Variants in HPX observed in about 807,000 individuals in gnomAD.
HPX encodes the protein hemopexin, also known as beta-1B-glycoprotein.
In HPX, 42 loss-of-function variants were observed where a neutral mutation model predicts 53.8. The ratio of observed to expected loss-of-function variants is 0.78; its 90% CI spans 0.61 to 1.01. The LOEUF (loss-of-function observed/expected upper bound fraction) is 1.01. Ranked by LOEUF, HPX falls within the 50% of genes least tolerant of loss-of-function variation. The pLI is 0.00. For synonymous variants in HPX, 229 were observed against 221.1 expected (o/e 1.04, Z -0.32); for missense variants, 547 against 594.3 (o/e 0.92, Z 0.83).
rs550111031 is a variant in HPX at position 6,438,576 on chromosome 11, A to G, written c.337-67T>C. On this transcript the variant is annotated intron_variant, in intron 4 of 9. Transcript: ENST00000265983. ...ATACTGCCACTCTGCATTTACACAC[A>G]TTTTTTATCTACTGTGCTTATACGA... The G allele has an allele frequency of 3.8e-5, 53 of 1,405,044 alleles. No homozygotes were observed. The East Asian group carries it at 1.1e-3, about 30-fold the overall frequency. 87.0% of individuals were successfully genotyped at this position (1,405,044 alleles called of 1,614,324 possible).
intron 7 of HPX, among the ~76,000 whole-genome samples, chr11:6,435,120 C>T (rs1014457506): frequency 6.6e-6 from 1 of 151,778 alleles, no homozygotes; most frequent in African/African-American, 2.4e-5. Flanking sequence ...AAAAAAAATA[C>T]AAAAATTAGC....
chr11:6,434,393 A>G (rs891166112), intron 7 of HPX, among the ~76,000 whole-genome samples: 1 of 152,178 alleles, frequency 6.6e-6, no homozygotes, highest in Non-Finnish European at 1.5e-5. Context: ...GCAGAGGCAC[A>G]GTCACGGTTC....
intron 5 of HPX, 200 bp from the exon 6 acceptor site, chr11:6,437,852 G>A: frequency 1.7e-6 from 1 of 597,028 alleles, no homozygotes; most frequent in Non-Finnish European, 3.0e-6. Flanking sequence ...AGGCAGTGGG[G>A]AGAGTCTGGG....
intron 7 of HPX, among the ~76,000 whole-genome samples, chr11:6,434,341 G>A (rs7119379): frequency 0.28 from 43,220 of 151,934 alleles, 7,100 homozygotes; most frequent in African/African-American, 0.45. Flanking sequence ...TTATTTATTT[G>A]TTTTTTGAGA....
At position 6,437,069 on chromosome 11, in the gene HPX, T is replaced by C. The variant is rs146231448; in HGVS notation, c.812A>G (p.His271Arg). Residue 271 changes from histidine (H) to arginine (R), a missense_variant, in exon 7 of 10, where the codon CAT (histidine) becomes CGT (arginine). Physicochemically the swap from His to Arg is conservative, Grantham distance 29. Transcript: ENST00000265983. ...LVLSALTSDN[H>R]GATYAFSGTH... ...ACCACTGAAGGCATAGGTGGCACCA[T>C]GGTTGTCAGACGTCAGTGCAGACAA... The C allele has an allele frequency of 1.9e-5, 31 of 1,613,976 alleles. No homozygotes were observed. In the Admixed American group the frequency reaches 4.8e-4, roughly 25 times the overall value.
chr11:6,437,352 T>G, intron 6 of HPX, 88 bp downstream of exon 6: 1 of 1,408,096 alleles, frequency 7.1e-7, no homozygotes, highest in Non-Finnish European at 1.0e-6. Flanking sequence ...CAACACGGAG[T>G]TAAAGTGAGA....
Position 6,431,478 on chromosome 11 carries a change from GA to G in HPX, c.1130-9del. ...GCCACCACAGCCGCCGTCCTGGGGA[GA>G]AGGCACCAAACATAGCATGGCTTCC... is the stretch of plus-strand genomic sequence containing the variant. On this transcript the variant is annotated splice_polypyrimidine_tract_variant and intron_variant, in intron 9 of 9. Coordinates refer to ENST00000265983, the MANE Select transcript of HPX (RefSeq NM_000613.3). 6.8e-6 allele frequency: 11 copies of G among 1,614,098 alleles called. No homozygotes were observed. Among genetic ancestry groups the G allele is most frequent in the Non-Finnish European group, 9.3e-6 (11 of 1,179,980 alleles).
rs1176468921 is a variant in HPX at position 6,437,608 on chromosome 11, C to T, written c.535G>A (p.Glu179Lys). ...FWDLATGTMK[E>K]RSWPAVGNCS... Reference sequence around the variant, plus strand: ...TTCCCAACAGCTGGCCAGGAACGCTCCTTCATGGTTCCCGTAGCCAAGTCC... The same window carrying T: ...TTCCCAACAGCTGGCCAGGAACGCTTCTTCATGGTTCCCGTAGCCAAGTCC... The change falls in exon 6 of 10, where the codon GAG becomes AAG. Residue 179 changes from glutamate to lysine, a missense_variant. Coordinates refer to ENST00000265983, the MANE Select transcript of HPX (RefSeq NM_000613.3). 1 of 1,614,200 alleles carries T rather than the reference C, an allele frequency of 6.2e-7. No homozygotes were observed. Among genetic ancestry groups the T allele is most frequent in the Non-Finnish European group, 8.5e-7 (1 of 1,180,030 alleles).
rs372999994 is a variant in HPX at position 6,437,394 on chromosome 11, A to T, written c.703+46T>A. On this transcript the variant is annotated intron_variant, in intron 6 of 9. Coordinates refer to ENST00000265983, the MANE Select transcript of HPX (RefSeq NM_000613.3). The stretch of plus-strand genomic sequence containing the variant: ...ACACGTGAGATCCACAAGCTCAGGG[A>T]AAGTGGATGAATTCTGACAGGTCTC... The T allele has an allele frequency of 1.5e-4, 234 of 1,538,980 alleles. No individual in the cohort carries two copies. The African/African-American group carries it at 2.3e-3, about 15-fold the overall frequency.
chr11:6,431,673 C>A lies in HPX; in HGVS notation c.1097G>T (p.Cys366Phe), dbSNP rs753940599. 1.2e-5 allele frequency: 19 copies of A among 1,614,072 alleles called. No individual in the cohort carries two copies. Among genetic ancestry groups the A allele is most frequent in the Non-Finnish European group, 1.4e-5 (17 of 1,180,036 alleles). Residue 366 changes from cysteine to phenylalanine, a missense_variant, in exon 9 of 10, where the codon TGC becomes TTC. By Grantham distance (205) the Cys-to-Phe change is radical (BLOSUM62 -2). Coordinates refer to ENST00000265983, the MANE Select transcript of HPX (RefSeq NM_000613.3). Reference sequence around the variant, plus strand: ...GATATGGAGCCGAGAAGACCCAGGGCAGATAAAGGCCGCATCCACAGAGTC... The same window carrying A: ...GATATGGAGCCGAGAAGACCCAGGGAAGATAAAGGCCGCATCCACAGAGTC... ...ILDSVDAAFI[C>F]PGSSRLHIMA...
Position 6,437,533 on chromosome 11 carries a change from T to C in HPX, c.610A>G (p.Asn204Asp), listed in dbSNP as rs758528378. The change falls in exon 6 of 10, where the codon AAC becomes GAC. Residue 204 changes from asparagine to aspartate, a missense_variant. Transcript: ENST00000265983. ...WLGRYYCFQG[N>D]QFLRFDPVRG... ...ACAGGGTCGAAGCGCAGGAATTGGT[T>C]ACCCTGGAAGCAGTAGTAGCGGCCC... 1.9e-6 allele frequency: 3 copies of C among 1,614,078 alleles called. No individual in the cohort carries two copies. In the African/African-American group the frequency reaches 4.0e-5, roughly 22 times the overall value.
At chr11:6,432,623 C>A (rs557479749) in intron 7 of HPX, among the ~76,000 whole-genome samples, 2 of 152,142 alleles carry the variant, frequency 1.3e-5, no homozygotes, top group Admixed American at 6.5e-5. Context: ...CTCCAATTTG[C>A]GAAATCTCAT....
intron 7 of HPX, among the ~76,000 whole-genome samples, chr11:6,434,775 T>C (rs368240942): frequency 1.3e-5 from 2 of 152,278 alleles, no homozygotes; most frequent in East Asian, 3.9e-4. Context: ...GACTGGGCCA[T>C]TCAGATTCCC....
chr11:6,437,871 C>T, intron 5 of HPX: 1 of 589,664 alleles, frequency 1.7e-6, no homozygotes, highest in East Asian at 2.8e-5. Context: ...GGAAAACTTC[C>T]CAGGGAAGAT....
At position 6,431,651 on chromosome 11, in the gene HPX, A is replaced by G; in HGVS notation, c.1119T>C (p.His373=). 1 of 1,613,756 alleles carries G rather than the reference A, an allele frequency of 6.2e-7. No homozygotes were observed. The highest frequency in any genetic ancestry group is 8.5e-7 in the Non-Finnish European group (1 of 1,180,016). Reference sequence around the variant, plus strand: ...CCAGAAGCCCCTCACCTGCCATGATATGGAGCCGAGAAGACCCAGGGCAGA... The same window carrying G: ...CCAGAAGCCCCTCACCTGCCATGATGTGGAGCCGAGAAGACCCAGGGCAGA... ...AFICPGSSRL[H]IMAGRRLWWL... The change falls in exon 9 of 10, where the codon CAT becomes CAC. Residue 373 remains histidine, a synonymous_variant. Coordinates refer to ENST00000265983, the MANE Select transcript of HPX (RefSeq NM_000613.3).
Position 6,440,541 on chromosome 11 carries a change from G to T in HPX, c.143-3C>A. 2.7e-6 allele frequency: 4 copies of T among 1,462,890 alleles called. No homozygotes were observed. Among genetic ancestry groups the T allele is most frequent in the Non-Finnish European group, 3.8e-6 (4 of 1,061,460 alleles). 90.6% of individuals were successfully genotyped at this position (1,462,890 alleles called of 1,614,324 possible). ...GCTCCAGCCATCTGAGCAGCGTTCT[G>T]GGGTGGAGGTAGGGAGATGGCAAAG... On this transcript the variant is annotated splice_region_variant and splice_polypyrimidine_tract_variant and intron_variant, in intron 2 of 9. Transcript: ENST00000265983.
Position 6,431,336 on chromosome 11 carries a change from C to A in HPX, c.1264G>T (p.Gly422Cys). 1 of 1,614,258 alleles carries A rather than the reference C, an allele frequency of 6.2e-7. No homozygotes were observed. Among genetic ancestry groups the A allele is most frequent in the Non-Finnish European group, 8.5e-7 (1 of 1,180,042 alleles). ...CCATGGATGAGGTACAAGCCGGGAC[C>A]ATTGGCGGAACATGAGTTAGGGCCA... is the stretch of plus-strand genomic sequence containing the variant. ...SLGPNSCSAN[G>C]PGLYLIHGPN... is the part of the protein sequence containing the mutation. Residue 422 changes from glycine (G) to cysteine (C), a missense_variant, in exon 10 of 10, where the codon GGT becomes TGT. By Grantham distance (159) the Gly-to-Cys change is radical. Coordinates refer to ENST00000265983, the MANE Select transcript of HPX (RefSeq NM_000613.3).
At chr11:6,437,917 G>C in intron 5 of HPX, 1 of 567,018 alleles carries the variant, frequency 1.8e-6, no homozygotes, top group South Asian at 2.1e-5. Flanking sequence ...GGAATTAAAA[G>C]GCACACAAGG....
At chr11:6,438,732 T>C (rs898611609) in intron 4 of HPX, among the ~76,000 whole-genome samples, 2 of 152,214 alleles carry the variant, frequency 1.3e-5, no homozygotes, top group African/African-American at 4.8e-5. Context: ...TCTAGCTCTG[T>C]ACCCAGACAC....
Sources: gnomAD v4.1 joint callset for allele counts (sites outside exome capture counted in the v4.1 genomes callset) on GRCh38, gnomAD v4.1.1 for gene constraint, MANE v1.5 for transcripts, NCBI Gene and HGNC (gene_info 2026-07-23, HGNC 2026-07-21) for gene names.